Variants in GRID2 observed in about 807,000 individuals in gnomAD.
GRID2 encodes glutamate receptor ionotropic, delta-2.
A neutral mutation model predicts 114.8 loss-of-function variants in GRID2; 33 were observed. The ratio of observed to expected loss-of-function variants is 0.29; its 90% confidence interval spans 0.22 to 0.38. GRID2 has a LOEUF of 0.38. GRID2 is among the 10% of genes least tolerant of loss of function. The pLI is 1.00. For synonymous variants in GRID2, 505 were observed against 449.9 expected (o/e 1.12, Z -1.55); for missense variants, 1,184 against 1,257.7 (o/e 0.94, Z 0.89).
Position 92,870,040 on chromosome 4 carries a change from T to TA in GRID2, c.245-214943dup, listed in dbSNP as rs544775625. On this transcript the variant is annotated intron_variant, in intron 2 of 15. Transcript: ENST00000282020. ...TGAGACCCCGTCTCCACAAAAAAAT[T>TA]AAAAAAAAAAAATAGCCAGGCTTGG... Among the ~76,000 whole-genome samples the TA allele has an allele frequency of 6.8e-3, 967 of 142,734 alleles. 9 individuals carry two copies. Among genetic ancestry groups the TA allele is most frequent in the South Asian group, 0.02 (91 of 4,534 alleles). 93.6% of individuals were successfully genotyped at this position (142,734 alleles called of 152,430 possible).
At chr4:92,997,549 C>T (rs567834048) in intron 2 of GRID2, among the ~76,000 whole-genome samples, 1 of 152,288 alleles carries the variant, frequency 6.6e-6, no homozygotes, top group Admixed American at 6.5e-5. Context: ...TGTTATAGCA[C>T]ATCCTTAACC....
intron 1 of GRID2, among the ~76,000 whole-genome samples, chr4:92,362,296 T>C (rs2110203101): frequency 6.6e-6 from 1 of 152,148 alleles, no homozygotes. Flanking sequence ...GAAGTTAGAA[T>C]GTGCCAAATT....
chr4:93,657,551 C>T (rs1723127482), intron 14 of GRID2, among the ~76,000 whole-genome samples: 1 of 151,952 alleles, frequency 6.6e-6, no homozygotes, highest in African/African-American at 2.4e-5. Flanking sequence ...CATGCACACA[C>T]ATAAAAACAA....
intron 4 of GRID2, among the ~76,000 whole-genome samples, chr4:93,169,167 C>T (rs1579178289): frequency 6.6e-6 from 1 of 150,468 alleles, no homozygotes; most frequent in Middle Eastern, 3.4e-3. Context: ...CACACACACA[C>T]ACACACACAC....
At chr4:92,963,152 G>T (rs769093982) in intron 2 of GRID2, among the ~76,000 whole-genome samples, 1 of 151,994 alleles carries the variant, frequency 6.6e-6, no homozygotes, top group Non-Finnish European at 1.5e-5. Context: ...TGCTGGTGGA[G>T]AGTCTTGCCT....
chr4:93,546,379 G>C (rs777735011), intron 13 of GRID2, among the ~76,000 whole-genome samples: 1 of 152,214 alleles, frequency 6.6e-6, no homozygotes, highest in African/African-American at 2.4e-5. Flanking sequence ...GAGATACCCT[G>C]AGGAGAAAAT....
At chr4:92,689,870 T>C (rs377471406) in intron 2 of GRID2, among the ~76,000 whole-genome samples, 2 of 152,158 alleles carry the variant, frequency 1.3e-5, no homozygotes, top group Non-Finnish European at 1.5e-5. Context: ...TTTTCTTCTG[T>C]AGCTTCCTTA....
In GRID2 at chr4:92,398,943, A is replaced by AT. The variant is rs1730642221; in HGVS notation, c.88+94200dup. Among the ~76,000 whole-genome samples, 2 of 152,212 alleles carry AT rather than the reference A, an allele frequency of 1.3e-5. 1 individual carries two copies. Among genetic ancestry groups the AT allele is most frequent in the South Asian group, 4.1e-4 (2 of 4,834 alleles). On this transcript the variant is annotated intron_variant, in intron 1 of 15. Transcript: ENST00000282020. ...TATAGTAAAAGGATCAGATAGTCTC[A>AT]TAAAGTCCGTAACAACTCAAAAAAT... is the stretch of plus-strand genomic sequence containing the variant.
At chr4:93,002,877 C>G (rs529659383) in intron 2 of GRID2, among the ~76,000 whole-genome samples, 1 of 151,766 alleles carries the variant, frequency 6.6e-6, no homozygotes, top group African/African-American at 2.4e-5. Flanking sequence ...TCCATTTCTT[C>G]ATCTTTTCTA....
chr4:93,276,918 A>G (rs1752115527), intron 8 of GRID2, among the ~76,000 whole-genome samples: 2 of 151,912 alleles, frequency 1.3e-5, no homozygotes, highest in Admixed American at 1.3e-4. Context: ...GGAAGTATTT[A>G]CCTAATACCT....
At chr4:93,614,145 A>G (rs990406374) in intron 13 of GRID2, among the ~76,000 whole-genome samples, 1 of 152,308 alleles carries the variant, frequency 6.6e-6, no homozygotes, top group African/African-American at 2.4e-5. Context: ...TTCCCAGGTG[A>G]GGCAATGCCT....
chr4:92,916,705 G>A (rs558707148), intron 2 of GRID2, among the ~76,000 whole-genome samples: 2 of 152,090 alleles, frequency 1.3e-5, no homozygotes, highest in Non-Finnish European at 2.9e-5. Context: ...ATTTTTTATA[G>A]CTGCATAGTA....
chr4:93,372,261 A>C (rs1763001799), intron 8 of GRID2, among the ~76,000 whole-genome samples: 1 of 152,158 alleles, frequency 6.6e-6, no homozygotes, highest in Non-Finnish European at 1.5e-5. Context: ...TCACACCACA[A>C]AGTTAATTTT....
intron 7 of GRID2, among the ~76,000 whole-genome samples, chr4:93,229,837 C>A (rs1236825727): frequency 4.6e-5 from 7 of 151,790 alleles, no homozygotes; most frequent in Non-Finnish European, 8.8e-5. Flanking sequence ...TGTACCTGAG[C>A]TTTATAATAT....
chr4:93,594,937 A>G (rs564701875), intron 13 of GRID2, among the ~76,000 whole-genome samples: 13 of 152,078 alleles, frequency 8.5e-5, no homozygotes, highest in African/African-American at 2.7e-4. Flanking sequence ...GCACCCACTG[A>G]CCTGCACCCA....
At chr4:92,662,781 T>A (rs1732583545) in intron 2 of GRID2, among the ~76,000 whole-genome samples, 1 of 151,106 alleles carries the variant, frequency 6.6e-6, no homozygotes, top group Non-Finnish European at 1.5e-5. Context: ...GTTTTGTAAA[T>A]GCATTTAAAT....
chr4:93,041,368 C>A (rs1302222703), intron 2 of GRID2, among the ~76,000 whole-genome samples: 4 of 152,150 alleles, frequency 2.6e-5, no homozygotes, highest in Non-Finnish European at 4.4e-5. Context: ...GAACTTCTCA[C>A]ATTTTTTGAC....
intron 1 of GRID2, among the ~76,000 whole-genome samples, chr4:92,554,433 A>AT (rs1726751721): frequency 6.6e-6 from 1 of 152,138 alleles, no homozygotes; most frequent in African/African-American, 2.4e-5. Flanking sequence ...GCTGAAGACC[A>AT]TTTTTTTCAA....
intron 14 of GRID2, among the ~76,000 whole-genome samples, chr4:93,645,826 C>T (rs768727672): frequency 5.3e-5 from 8 of 152,152 alleles, no homozygotes; most frequent in Non-Finnish European, 1.0e-4. Flanking sequence ...CTTGACATTT[C>T]AAATATATTC....
Sources: gnomAD v4.1 joint callset for allele counts (sites outside exome capture counted in the v4.1 genomes callset) on GRCh38, gnomAD v4.1.1 for gene constraint, MANE v1.5 for transcripts, NCBI Gene and HGNC (gene_info 2026-07-23, HGNC 2026-07-21) for gene names.